Variants in ASB3 observed in about 807,000 individuals in gnomAD.
ASB3 encodes the protein ankyrin repeat and SOCS box containing 3.
ASB3 carries 41 observed loss-of-function variants against 54.5 expected under a neutral mutation model. The ratio of observed to expected loss-of-function variants is 0.75; its 90% CI spans 0.59 to 0.98. The LOEUF is 0.98. Among genes scored for constraint, ASB3 ranks in the 50% least tolerant of loss-of-function variants. The probability of loss-of-function intolerance (pLI) is 0.00; values close to 1 mark genes in which losing one functional copy is unlikely to be tolerated. For synonymous variants in ASB3, 266 were observed against 221.2 expected, an observed-to-expected ratio of 1.20 and a Z score of -1.80; for missense variants, 733 against 620.0, an observed-to-expected ratio of 1.18 and a Z score of -1.94.
intron 3 of ASB3, among the ~76,000 whole-genome samples, chr2:53,730,478 G>C (rs1330581584): frequency 6.6e-6 from 1 of 152,138 alleles, no homozygotes; most frequent in Admixed American, 6.5e-5. Context: ...TTCATGTCTT[G>C]GTGATTGTGA....
chr2:53,784,305 C>G (rs576626323), intron 1 of ASB3, among the ~76,000 whole-genome samples: 8 of 152,310 alleles, frequency 5.3e-5, no homozygotes, highest in Admixed American at 3.9e-4. Flanking sequence ...CCACTTTGGG[C>G]ACATGCTGTC....
At chr2:53,732,664 ATATAT>A (rs1257330891) in intron 3 of ASB3, among the ~76,000 whole-genome samples, 1 of 152,232 alleles carries the variant, frequency 6.6e-6, no homozygotes, top group East Asian at 1.9e-4. Flanking sequence ...AATATCATAA[ATATAT>A]TAAGAAATCT....
At chr2:53,700,818 T>C (rs187955750) in intron 7 of ASB3, among the ~76,000 whole-genome samples, 24 of 152,332 alleles carry the variant, frequency 1.6e-4, no homozygotes, top group African/African-American at 5.8e-4. Flanking sequence ...AAAACTCAAA[T>C]TGTGATATTT....
chr2:53,673,388 A>C (rs1340564564), intron 9 of ASB3, among the ~76,000 whole-genome samples: 2 of 152,214 alleles, frequency 1.3e-5, no homozygotes, highest in African/African-American at 4.8e-5. Context: ...ACACTGGCTT[A>C]AAATTCTATG....
At chr2:53,711,496 A>C (rs536860254) in intron 7 of ASB3, among the ~76,000 whole-genome samples, 1 of 152,286 alleles carries the variant, frequency 6.6e-6, no homozygotes, top group Non-Finnish European at 1.5e-5. Context: ...AGCAGAAGAA[A>C]AAGAAGGCCA....
At chr2:53,675,290 T>C (rs1483522845) in intron 9 of ASB3, among the ~76,000 whole-genome samples, 2 of 152,092 alleles carry the variant, frequency 1.3e-5, no homozygotes, top group Non-Finnish European at 2.9e-5. Flanking sequence ...CAATATATAT[T>C]TTACATATAA....
intron 7 of ASB3, among the ~76,000 whole-genome samples, chr2:53,703,732 C>T (rs1284774942): frequency 6.6e-6 from 1 of 151,998 alleles, no homozygotes; most frequent in Non-Finnish European, 1.5e-5. Flanking sequence ...AGAAAGTCCA[C>T]AAATAGTAAA....
chr2:53,755,034 T>C (rs1270442906), intron 2 of ASB3, among the ~76,000 whole-genome samples: 2 of 152,234 alleles, frequency 1.3e-5, no homozygotes, highest in Non-Finnish European at 2.9e-5. Flanking sequence ...CTATTCACTG[T>C]TTTTAATGCT....
intron 2 of ASB3, among the ~76,000 whole-genome samples, chr2:53,758,816 T>G (rs1672981305): frequency 6.6e-6 from 1 of 152,184 alleles, no homozygotes; most frequent in Non-Finnish European, 1.5e-5. Context: ...CATCCCTATG[T>G]TCTTTTTTCA....
rs371519069 is a variant in ASB3, at chr2:53,750,855, C to T, written c.283G>A (p.Val95Ile). 2.1e-5 allele frequency: 33 copies of T among 1,602,978 alleles called. No individual in the cohort carries two copies. The East Asian group carries it at 3.6e-4, about 17-fold the overall frequency. Residue 95 changes from valine (V) to isoleucine (I), a missense_variant, in exon 3 of 10, where the codon GTA becomes ATA. Val to Ile is a conservative substitution (Grantham distance 29). Coordinates refer to ENST00000263634, the MANE Select transcript of ASB3 (RefSeq NM_016115.5). ...GCCCCAGCTTCTAAAAGAATCTGTACGATTTTCCAATGTCCTTGACTTGCA... is the reference window on the plus strand; with the variant it reads ...GCCCCAGCTTCTAAAAGAATCTGTATGATTTTCCAATGTCCTTGACTTGCA... ...LAASQGHWKI[V>I]QILLEAGADP...
chr2:53,686,083 G>T (rs1361318702), intron 9 of ASB3, among the ~76,000 whole-genome samples: 1 of 152,150 alleles, frequency 6.6e-6, no homozygotes, highest in Non-Finnish European at 1.5e-5. Context: ...ATTATCACAT[G>T]ATTCTGCTCC....
chr2:53,692,800 A>C (rs1044655091), intron 9 of ASB3, among the ~76,000 whole-genome samples: 6 of 152,188 alleles, frequency 3.9e-5, no homozygotes, highest in Non-Finnish European at 8.8e-5. Flanking sequence ...ACTGCTGCAG[A>C]TACATAATTA....
chr2:53,765,499 A>C lies in ASB3; in HGVS notation c.74T>G (p.Val25Gly), dbSNP rs1673390333. 6.2e-7 allele frequency: 1 copy of C among 1,614,072 alleles called. No homozygotes were observed. Among genetic ancestry groups the C allele is most frequent in the Non-Finnish European group, 8.5e-7 (1 of 1,180,042 alleles). The stretch of plus-strand genomic sequence containing the variant: ...GCCCTTTTTGAGCAGTTTCCTTAAG[A>C]CTTTAACATTGCCTTCCCTGGCAGC... ...GLAAREGNVK[V>G]LRKLLKKGRS... Residue 25 changes from valine to glycine, a missense_variant, in exon 2 of 10, where the codon GTC (valine) becomes GGC (glycine). Physicochemically the swap from Val to Gly is moderately radical, Grantham distance 109. Coordinates refer to ENST00000263634, the MANE Select transcript of ASB3 (RefSeq NM_016115.5).
intron 3 of ASB3, among the ~76,000 whole-genome samples, chr2:53,738,933 C>T (rs1455668304): frequency 6.6e-6 from 1 of 152,110 alleles, no homozygotes; most frequent in Non-Finnish European, 1.5e-5. Flanking sequence ...AGACTTTCCC[C>T]TCTTCAATCC....
At chr2:53,676,957 C>T (rs1187326486) in intron 9 of ASB3, among the ~76,000 whole-genome samples, 1 of 151,968 alleles carries the variant, frequency 6.6e-6, no homozygotes, top group Non-Finnish European at 1.5e-5. Context: ...TTGGTAGAGA[C>T]AGGATTTCGC....
At chr2:53,745,921 A>T (rs1031564449) in intron 3 of ASB3, among the ~76,000 whole-genome samples, 4 of 152,162 alleles carry the variant, frequency 2.6e-5, no homozygotes, top group African/African-American at 9.7e-5. Flanking sequence ...TTTGATACAA[A>T]CCTTGAATTA....
chr2:53,729,680 G>C (rs1671193988), intron 3 of ASB3, 110 bp from the exon 4 acceptor site: 1 of 836,590 alleles, frequency 1.2e-6, no homozygotes, highest in Non-Finnish European at 2.0e-6. Flanking sequence ...ACAATGCTCT[G>C]ATTATTCCTA....
chr2:53,693,395 T>C (rs1277962863), intron 9 of ASB3, among the ~76,000 whole-genome samples: 1 of 152,120 alleles, frequency 6.6e-6, no homozygotes, highest in Non-Finnish European at 1.5e-5. Flanking sequence ...ACTCAGCTTA[T>C]CTCCACAGTT....
At chr2:53,730,765 G>A (rs1045781038) in intron 3 of ASB3, among the ~76,000 whole-genome samples, 13 of 152,098 alleles carry the variant, frequency 8.5e-5, no homozygotes, top group East Asian at 1.9e-4. Flanking sequence ...GTATCTCATC[G>A]TGGTTTTGAT....
Sources: gnomAD v4.1 joint callset for allele counts (sites outside exome capture counted in the v4.1 genomes callset) on GRCh38, gnomAD v4.1.1 for gene constraint, MANE v1.5 for transcripts, NCBI Gene and HGNC (gene_info 2026-07-23, HGNC 2026-07-21) for gene names.